The following COL4A1 variants were observed in gnomAD, a reference collection of about 807,000 sequenced individuals.
The protein encoded by COL4A1 is collagen alpha-1(IV) chain.
A neutral mutation model predicts 216.6 loss-of-function variants in COL4A1; 40 were observed. The observed-to-expected ratio is 0.18, with a 90% CI of 0.14 to 0.24. COL4A1 has a LOEUF of 0.24. Ranked by LOEUF, COL4A1 falls within the 10% of genes least tolerant of loss-of-function variation. The pLI, the probability that COL4A1 is intolerant of heterozygous loss-of-function variation, is 1.00. For synonymous variants in COL4A1, 839 were observed against 810.7 expected (o/e 1.03, Z -0.59); for missense variants, 1,628 against 2,196.8 (o/e 0.74, Z 5.18).
rs550962645 is a variant in COL4A1, at chr13:110,190,452, C to T, written c.1536+1762G>A. Reference sequence around the variant, plus strand: ...CAGGAACCATGAAACCTGCTCAGACCAACCTGGGCATCATCAATCCGCTCG... The same window carrying T: ...CAGGAACCATGAAACCTGCTCAGACTAACCTGGGCATCATCAATCCGCTCG... On this transcript the variant is annotated intron_variant, in intron 24 of 51. Coordinates refer to ENST00000375820, the MANE Select transcript of COL4A1 (RefSeq NM_001845.6). Among the ~76,000 whole-genome samples, 88 of 152,278 alleles carry T rather than the reference C, an allele frequency of 5.8e-4. 4 individuals are homozygous for T. In the South Asian group the frequency reaches 0.017, roughly 29 times the overall value.
chr13:110,183,479 G>A (rs192640555), intron 26 of COL4A1, among the ~76,000 whole-genome samples: 18 of 152,222 alleles, frequency 1.2e-4, no homozygotes, highest in Admixed American at 7.2e-4. Flanking sequence ...CTCCCCATGC[G>A]TTTGCATGTC....
intron 2 of COL4A1, among the ~76,000 whole-genome samples, chr13:110,218,500 G>A (rs1165419844): frequency 6.6e-6 from 1 of 152,138 alleles, no homozygotes; most frequent in Non-Finnish European, 1.5e-5. Flanking sequence ...CCTCAACCCT[G>A]TAACTTCTTC....
chr13:110,228,671 T>A (rs1880863652), intron 2 of COL4A1, among the ~76,000 whole-genome samples: 1 of 152,210 alleles, frequency 6.6e-6, no homozygotes, highest in Non-Finnish European at 1.5e-5. Context: ...TATCATCTAT[T>A]TCCCCCTCCC....
At chr13:110,273,857 A>G (rs1883339712) in intron 1 of COL4A1, among the ~76,000 whole-genome samples, 3 of 152,150 alleles carry the variant, frequency 2.0e-5, no homozygotes, top group Admixed American at 2.0e-4. Flanking sequence ...GCATCTGCCA[A>G]AAGAGCATTA....
At chr13:110,219,688 A>ATGTATATATATGTATATATATATG (rs1555307874) in intron 2 of COL4A1, among the ~76,000 whole-genome samples, 2 of 114,050 alleles carry the variant, frequency 1.8e-5, no homozygotes, top group Non-Finnish European at 3.7e-5. Flanking sequence ...GTGTATATAT[A>ATGTATATATATGTATATATATATG]TGTATATATA....
chr13:110,289,782 C>T (rs1307770014), intron 1 of COL4A1, among the ~76,000 whole-genome samples: 1 of 152,184 alleles, frequency 6.6e-6, no homozygotes, highest in African/African-American at 2.4e-5. Context: ...AGAAATGGAA[C>T]ATGAGATGCT....
chr13:110,150,437 T>C lies in COL4A1; in HGVS notation c.4936A>G (p.Thr1646Ala). The C allele has an allele frequency of 6.2e-7, 1 of 1,613,976 alleles. No individual in the cohort carries two copies. Among genetic ancestry groups the C allele is most frequent in the Non-Finnish European group, 8.5e-7 (1 of 1,179,986 alleles). Residue 1646 changes from threonine to alanine, a missense_variant, in exon 52 of 52, where the codon ACG (threonine) becomes GCG (alanine). Transcript: ENST00000375820. ...TCCCCTGCCTTCAAGGTGGACGGCG[T>C]AGGCTTCCTAAAACACGACACAGAG... ...IERSEMFKKP[T>A]PSTLKAGELR...
Position 110,187,247 on chromosome 13 carries a change from T to C in COL4A1, c.1619A>G (p.Lys540Arg), listed in dbSNP as rs771824175. Residue 540 changes from lysine (K) to arginine (R), a missense_variant, in exon 25 of 52, where the codon AAA becomes AGA. Lys to Arg is a conservative substitution (Grantham distance 26). Around this residue, in one of 8 missense-constraint regions of COL4A1, gnomAD observed 701 missense variants for 892.5 expected, o/e 0.79. Transcript: ENST00000375820. ...PGEFYFDLRL[K>R]GDKGDPGFPG... Reference sequence around the variant, plus strand: ...AAAGCCTGGGTCTCCTTTGTCACCTTTGAGCCGCAAGTCGAAATAAAACTC... The same window carrying C: ...AAAGCCTGGGTCTCCTTTGTCACCTCTGAGCCGCAAGTCGAAATAAAACTC... 2.9e-5 allele frequency: 46 copies of C among 1,613,760 alleles called. No individual in the cohort carries two copies. The highest frequency in any genetic ancestry group is 1.7e-4 in the Middle Eastern group (1 of 6,010).
chr13:110,219,835 T>C (rs1377831766), intron 2 of COL4A1, among the ~76,000 whole-genome samples: 1 of 106,582 alleles, frequency 9.4e-6, no homozygotes, highest in African/African-American at 3.4e-5. Context: ...TATGTATGTA[T>C]GTATATATGT....
chr13:110,224,661 A>C (rs2139223064), intron 2 of COL4A1, among the ~76,000 whole-genome samples: 1 of 152,312 alleles, frequency 6.6e-6, no homozygotes, highest in South Asian at 2.1e-4. Context: ...CTTTATTTTC[A>C]TTAGCTCCAA....
At chr13:110,192,979 G>A in intron 22 of COL4A1, 66 bp from the exon 23 acceptor site, 1 of 1,453,826 alleles carries the variant, frequency 6.9e-7, no homozygotes, top group Non-Finnish European at 9.7e-7. Flanking sequence ...AGTGCACTGA[G>A]AGAACAGAAA....
At chr13:110,285,297 C>T (rs1031246086) in intron 1 of COL4A1, among the ~76,000 whole-genome samples, 9 of 152,216 alleles carry the variant, frequency 5.9e-5, no homozygotes, top group South Asian at 4.1e-4. Flanking sequence ...ACGTGTGCTG[C>T]GGAATCCCAC....
chr13:110,286,152 CA>C (rs1883837207), intron 1 of COL4A1, among the ~76,000 whole-genome samples: 1 of 152,192 alleles, frequency 6.6e-6, no homozygotes, highest in South Asian at 2.1e-4. Flanking sequence ...GCAATACTGA[CA>C]AGACCAAGAA....
intron 41 of COL4A1, among the ~76,000 whole-genome samples, chr13:110,170,963 G>A (rs1877616065): frequency 6.6e-6 from 1 of 152,214 alleles, no homozygotes. Context: ...AGAATGCTAG[G>A]AACCCAGCTA....
chr13:110,222,174 C>T (rs112180042), intron 2 of COL4A1, among the ~76,000 whole-genome samples: 2 of 152,026 alleles, frequency 1.3e-5, no homozygotes, highest in East Asian at 1.9e-4. Flanking sequence ...GCGCTGCCTT[C>T]ATGTGAAACA....
chr13:110,301,025 A>C (rs1340250482), intron 1 of COL4A1, among the ~76,000 whole-genome samples: 1 of 152,262 alleles, frequency 6.6e-6, no homozygotes, highest in Non-Finnish European at 1.5e-5. Flanking sequence ...CCACAGAGAA[A>C]ATTACTAAAC....
At position 110,170,693 on chromosome 13, in the gene COL4A1, C is replaced by T. The variant is rs746802701; in HGVS notation, c.3596G>A (p.Ser1199Asn). ...TCCTTTGGATCCAGGAATTCCTGGG[C>T]TCCCGGCTAATCCTGGGAAACCCAC... ...GEVGFPGLAG[S>N]PGIPGSKGEQ... Residue 1199 changes from serine to asparagine, a missense_variant, in exon 42 of 52, where the codon AGC (serine) becomes AAC (asparagine). Ser to Asn is a conservative substitution (Grantham distance 46). Around this residue, in one of 8 missense-constraint regions of COL4A1, gnomAD observed 345 missense variants for 476.9 expected, o/e 0.72. Coordinates refer to ENST00000375820, the MANE Select transcript of COL4A1 (RefSeq NM_001845.6). The T allele has an allele frequency of 3.1e-6, 5 of 1,614,090 alleles. No individual in the cohort carries two copies. The highest frequency in any genetic ancestry group is 4.2e-6 in the Non-Finnish European group (5 of 1,180,050).
At chr13:110,168,315 G>T (rs182948466) in intron 43 of COL4A1, among the ~76,000 whole-genome samples, 15 of 152,196 alleles carry the variant, frequency 9.9e-5, no homozygotes, top group Non-Finnish European at 8.8e-5. Context: ...AGGCCCAGCC[G>T]GGAATGGGGT....
rs535556667 is a variant in COL4A1 at position 110,164,752 on chromosome 13, G to A, written c.4150+110C>T. ...GTAAGAAACTCATATTCATATGTGT[G>A]TGTATAATCATTACCCAGAAACTTA... On this transcript the variant is annotated intron_variant, in intron 46 of 51. Transcript: ENST00000375820. 1,154 of 1,456,248 alleles carry A rather than the reference G, an allele frequency of 7.9e-4. 1 individual carries two copies. The highest frequency in any genetic ancestry group is 9.7e-4 in the Non-Finnish European group (1,053 of 1,084,306). The allele number at this position is 1,456,248 out of a possible 1,614,324, so 90.2% of individuals were successfully genotyped here.
Sources: allele counts gnomAD v4.1 joint callset (sites outside exome capture counted in the v4.1 genomes callset), GRCh38; gene constraint gnomAD v4.1.1; regional missense constraint gnomAD v4.1.1; transcripts MANE v1.5; gene names NCBI Gene and HGNC (gene_info 2026-07-23, HGNC 2026-07-21).